Variants in PCNX2 observed in about 807,000 individuals in gnomAD.
The protein encoded by PCNX2 is pecanex 2, also known as pecanex-like protein 2.
Under a neutral mutation model 223.8 loss-of-function variants are expected in PCNX2, and 168 were observed. The observed-to-expected ratio is 0.75, with a 90% CI of 0.66 to 0.85. The LOEUF is 0.85. Among genes scored for constraint, PCNX2 ranks in the 40% least tolerant of loss-of-function variants. The pLI is 0.00. For synonymous variants in PCNX2, 1,006 were observed against 1,052.6 expected, an observed-to-expected ratio of 0.96 and a Z score of 0.86; for missense variants, 2,507 against 2,675.5, an observed-to-expected ratio of 0.94 and a Z score of 1.39.
Position 232,998,368 on chromosome 1 carries a change from G to A in PCNX2, c.5674C>T (p.Pro1892Ser), listed in dbSNP as rs778625839. The A allele has an allele frequency of 4.2e-5, 67 of 1,613,238 alleles. No homozygotes were observed. The Middle Eastern group carries it at 4.9e-4, about 12-fold the overall frequency. ...GGGGCATTGTTGCCACCTGTCGTCG[G>A]GGCCCCTCCTCCGTCCACGTCTTCA... ...NIEDVDGGGA[P>S]TTGGNNAPSG... The change falls in exon 32 of 34, where the codon CCG becomes TCG. Residue 1892 changes from proline (P) to serine (S), a missense_variant. Pro to Ser is a moderately conservative substitution (Grantham distance 74). Around this residue, in one of 3 missense-constraint regions of PCNX2, gnomAD observed 1,372 missense variants for 1,509.4 expected, o/e 0.91. Transcript: ENST00000258229.
chr1:233,157,809 C>T (rs971306849), intron 19 of PCNX2, among the ~76,000 whole-genome samples: 5 of 152,032 alleles, frequency 3.3e-5, no homozygotes, highest in African/African-American at 9.7e-5. Flanking sequence ...TTCTAATACA[C>T]CTAATTTTGA....
intron 25 of PCNX2, among the ~76,000 whole-genome samples, chr1:233,035,560 A>G (rs547337022): frequency 4.3e-4 from 65 of 152,314 alleles, no homozygotes; most frequent in African/African-American, 1.5e-3. Context: ...CAAAGCTCAA[A>G]CCACCCACCC....
chr1:233,095,499 G>T (rs772962717), intron 22 of PCNX2: 188 of 491,134 alleles, frequency 3.8e-4, no homozygotes, highest in Middle Eastern at 1.1e-3. Flanking sequence ...ATGCAGATCT[G>T]GGCATGGGAA....
intron 4 of PCNX2, 63 bp from the exon 5 acceptor site, chr1:233,259,407 A>G: frequency 2.0e-6 from 3 of 1,479,096 alleles, no homozygotes; most frequent in Non-Finnish European, 2.7e-6. Flanking sequence ...CAAGAGCAAG[A>G]CCTAATGAAT....
At chr1:233,290,677 A>T in intron 1 of PCNX2, 1 of 901,792 alleles carries the variant, frequency 1.1e-6, no homozygotes, top group Non-Finnish European at 1.3e-6. Flanking sequence ...GTGCTATGCT[A>T]GTGCTTGACA....
intron 17 of PCNX2, among the ~76,000 whole-genome samples, chr1:233,171,692 C>T (rs1287509920): frequency 6.6e-6 from 1 of 152,246 alleles, no homozygotes; most frequent in East Asian, 1.9e-4. Flanking sequence ...ACTTGTGATT[C>T]ACTGAAATTC....
At chr1:233,071,406 A>T (rs1672849900) in intron 23 of PCNX2, among the ~76,000 whole-genome samples, 1 of 151,928 alleles carries the variant, frequency 6.6e-6, no homozygotes, top group Non-Finnish European at 1.5e-5. Context: ...TGAGAATATG[A>T]GGTATTTGGT....
intron 8 of PCNX2, among the ~76,000 whole-genome samples, chr1:233,247,199 AG>A (rs1401884438): frequency 6.6e-6 from 1 of 152,238 alleles, no homozygotes; most frequent in African/African-American, 2.4e-5. Context: ...AGAGCTGCCT[AG>A]GGAACAGCTT....
intron 8 of PCNX2, chr1:233,241,498 A>G (rs1658762250): frequency 3.2e-6 from 2 of 619,906 alleles, no homozygotes; most frequent in Non-Finnish European, 4.0e-6. Flanking sequence ...GTAAAAAGTG[A>G]AAGCCAAAAA....
At chr1:233,129,071 TG>T (rs1466221409) in intron 21 of PCNX2, among the ~76,000 whole-genome samples, 1 of 152,214 alleles carries the variant, frequency 6.6e-6, no homozygotes, top group Non-Finnish European at 1.5e-5. Context: ...GGCCCCTCTC[TG>T]GGGTGGTTGA....
intron 14 of PCNX2, 50 bp from the exon 15 acceptor site, chr1:233,199,080 T>C: frequency 1.3e-6 from 2 of 1,491,924 alleles, no homozygotes; most frequent in Non-Finnish European, 1.8e-6. Flanking sequence ...ATTCTTAAAA[T>C]CAACAAATGT....
At chr1:233,022,103 T>C (rs1558169052) in intron 26 of PCNX2, among the ~76,000 whole-genome samples, 2 of 152,142 alleles carry the variant, frequency 1.3e-5, no homozygotes, top group Non-Finnish European at 2.9e-5. Context: ...GAGTTGGGCC[T>C]GTCCACGTGT....
chr1:233,069,554 A>G (rs1056206909), intron 23 of PCNX2, among the ~76,000 whole-genome samples: 5 of 152,188 alleles, frequency 3.3e-5, no homozygotes, highest in African/African-American at 1.2e-4. Context: ...CATAACACAA[A>G]GAAAACAGGA....
At chr1:233,080,699 T>G (rs537880849) in intron 23 of PCNX2, among the ~76,000 whole-genome samples, 52 of 152,190 alleles carry the variant, frequency 3.4e-4, no homozygotes, top group Non-Finnish European at 6.9e-4. Context: ...AGAGCTTCAC[T>G]CTTATGACCT....
rs577867619 is a variant in PCNX2 at position 233,200,135 on chromosome 1, T to C, written c.2974+19A>G. On this transcript the variant is annotated intron_variant, in intron 14 of 33. Transcript: ENST00000258229. ...ACTCTGAATTCCTTTACAGGAAGAA[T>C]AGAATGTAAACGACTTACCAGAACC... 7 of 1,509,410 alleles carry C rather than the reference T, an allele frequency of 4.6e-6. No homozygotes were observed. Among genetic ancestry groups the C allele is most frequent in the African/African-American group, 4.2e-5 (3 of 72,166 alleles). 93.5% of individuals were successfully genotyped at this position (1,509,410 alleles called of 1,614,324 possible). A position where few individuals can be genotyped will look rare whatever the true frequency, so the allele number is the denominator to read the frequency against.
intron 21 of PCNX2, among the ~76,000 whole-genome samples, chr1:233,098,773 G>A (rs1419285785): frequency 6.6e-6 from 1 of 152,118 alleles, no homozygotes; most frequent in Non-Finnish European, 1.5e-5. Flanking sequence ...CAGCTTAAGG[G>A]CACGCTGCCT....
chr1:233,187,688 C>T (rs1488834540), intron 15 of PCNX2, among the ~76,000 whole-genome samples: 3 of 152,154 alleles, frequency 2.0e-5, no homozygotes, highest in Non-Finnish European at 4.4e-5. Flanking sequence ...AATAATCCAG[C>T]AGTAACTAGG....
chr1:233,167,594 T>G (rs1032262636), intron 17 of PCNX2: 1 of 412,738 alleles, frequency 2.4e-6, no homozygotes, highest in African/African-American at 2.2e-5. Context: ...TGGGTAACTA[T>G]GCGAGATGAT....
intron 1 of PCNX2, among the ~76,000 whole-genome samples, chr1:233,265,110 G>A (rs1558406746): frequency 6.6e-6 from 1 of 151,948 alleles, no homozygotes; most frequent in Admixed American, 6.6e-5. Flanking sequence ...AGGTGTGGTG[G>A]CATGCACCTA....
Sources: gnomAD v4.1 joint callset for allele counts (sites outside exome capture counted in the v4.1 genomes callset) on GRCh38, gnomAD v4.1.1 for gene constraint, gnomAD v4.1.1 regional missense constraint, MANE v1.5 for transcripts, NCBI Gene and HGNC (gene_info 2026-07-23, HGNC 2026-07-21) for gene names.